NTRK1: variants seen among roughly 807,000 people sequenced by gnomAD.
NTRK1 encodes neurotrophic receptor tyrosine kinase 1, also known as high affinity nerve growth factor receptor.
Under a neutral mutation model 86.8 loss-of-function variants are expected in NTRK1, and 62 were observed. The observed-to-expected ratio is 0.71, with a 90% confidence interval of 0.58 to 0.88. The LOEUF is 0.88. Among genes scored for constraint, NTRK1 ranks in the 40% least tolerant of loss-of-function variants. The probability of loss-of-function intolerance (pLI) is 0.00; values close to 1 mark genes in which losing one functional copy is unlikely to be tolerated. For missense variants in NTRK1, 967 were observed against 1,078.4 expected (o/e 0.90, Z 1.45); for synonymous variants, 469 against 456.6 (o/e 1.03, Z -0.35).
chr1:156,866,532 G>A (rs376203550), intron 3 of NTRK1, among the ~76,000 whole-genome samples: 18 of 152,156 alleles, frequency 1.2e-4, no homozygotes, highest in African/African-American at 1.4e-4. Context: ...CTCTGGCCCC[G>A]TCCTGGGCTC....
chr1:156,817,060 T>TCTCTCTCTCTCTCTCTCTCTCC, intron 1 of NTRK1, among the ~76,000 whole-genome samples: 1 of 151,286 alleles, frequency 6.6e-6, no homozygotes, highest in Non-Finnish European at 1.5e-5. Context: ...TCTCTCTCTC[T>TCTCTCTCTCTCTCTCTCTCTCC]CTCTCTCTCT....
intron 3 of NTRK1, among the ~76,000 whole-genome samples, chr1:156,866,230 C>T (rs1384100425): frequency 1.3e-5 from 2 of 152,216 alleles, no homozygotes; most frequent in African/African-American, 4.8e-5. Flanking sequence ...TCAGGATAGG[C>T]CCCTCAGAGG....
intron 2 of NTRK1, chr1:156,845,071 C>G (rs371169960): frequency 1.2e-6 from 2 of 1,602,110 alleles, no homozygotes; most frequent in Non-Finnish European, 1.7e-6. Flanking sequence ...GTGTGGATCA[C>G]CTACTGTGGG....
At chr1:156,821,889 G>A (rs1654201397) in intron 1 of NTRK1, among the ~76,000 whole-genome samples, 1 of 152,166 alleles carries the variant, frequency 6.6e-6, no homozygotes, top group Admixed American at 6.5e-5. Flanking sequence ...TCATCCTCTG[G>A]ACCTTGATGT....
intron 1 of NTRK1, among the ~76,000 whole-genome samples, chr1:156,825,923 G>C (rs1438270880): frequency 6.6e-6 from 1 of 152,204 alleles, no homozygotes; most frequent in Non-Finnish European, 1.5e-5. Context: ...TTTACAGACA[G>C]GGAGTCTGAG....
chr1:156,837,526 G>A (rs900254417), intron 1 of NTRK1, among the ~76,000 whole-genome samples: 3 of 152,224 alleles, frequency 2.0e-5, no homozygotes, highest in Admixed American at 6.5e-5. Context: ...TGCCTCCTGT[G>A]CAAAGAAAGG....
chr1:156,872,679 CTTTT>C (rs1300739349), intron 7 of NTRK1, among the ~76,000 whole-genome samples: 1 of 140,938 alleles, frequency 7.1e-6, no homozygotes. Context: ...GGGTCTATTT[CTTTT>C]TTTTTTTTTT....
chr1:156,863,878 T>C (rs1421081796), intron 1 of NTRK1, among the ~76,000 whole-genome samples: 1 of 152,110 alleles, frequency 6.6e-6, no homozygotes, highest in Non-Finnish European at 1.5e-5. Context: ...GGATGCCTGA[T>C]ATAAAAGGAG....
rs56008523 is a variant in NTRK1, at chr1:156,880,040, C to T, written c.2088C>T (p.Pro696=). The T allele has an allele frequency of 8.5e-5, 137 of 1,613,422 alleles. 1 individual carries two copies. The highest frequency in any genetic ancestry group is 4.0e-4 in the East Asian group (18 of 44,866). ...RTMLPIRWMP[P]ESILYRKFTT... is the part of the protein sequence containing the mutation. ...TGCTGCCCATTCGCTGGATGCCGCC[C>T]GAGAGCATCCTGTACCGTAAGTTCA... Residue 696 remains proline (P), a synonymous_variant, in exon 16 of 17, where the codon CCC becomes CCT. Transcript: ENST00000524377.
chr1:156,868,571 G>A lies in NTRK1; in HGVS notation c.641G>A (p.Arg214Gln), dbSNP rs200132482. The A allele has an allele frequency of 1.7e-4, 260 of 1,554,406 alleles. No homozygotes were observed. The highest frequency in any genetic ancestry group is 6.7e-4 in the African/African-American group (49 of 73,330). Residue 214 changes from arginine to glutamine, a missense_variant, in exon 6 of 17, where the codon CGG (arginine) becomes CAG (glutamine). Physicochemically the swap from Arg to Gln is conservative, Grantham distance 43. Coordinates refer to ENST00000524377, the MANE Select transcript of NTRK1 (RefSeq NM_002529.4). ...GATGTGGGGGACGACGTGCTGCTGC[G>A]GTGCCAGGTGGAGGGGCGGGGCCTG... ...SVDVGDDVLL[R>Q]CQVEGRGLEQ... is the part of the protein sequence containing the mutation.
intron 1 of NTRK1, among the ~76,000 whole-genome samples, chr1:156,863,767 A>C (rs911445381): frequency 2.0e-5 from 3 of 152,150 alleles, no homozygotes; most frequent in Non-Finnish European, 2.9e-5. Context: ...GCATGAGCAC[A>C]GGCTTCGTCT....
At position 156,880,166 on chromosome 1, in the gene NTRK1, C is replaced by T. The variant is rs748710832; in HGVS notation, c.2205+9C>T. Reference sequence around the variant, plus strand: ...AGCTCTCCAACACGGAGGTCAGCCCCGGCCCATGGTCACCCCTTGCTGGCC... The same window carrying T: ...AGCTCTCCAACACGGAGGTCAGCCCTGGCCCATGGTCACCCCTTGCTGGCC... On this transcript the variant is annotated intron_variant, in intron 16 of 16. Transcript: ENST00000524377. 22 of 1,612,658 alleles carry T rather than the reference C, an allele frequency of 1.4e-5. No individual in the cohort carries two copies. In the East Asian group the frequency reaches 1.8e-4, roughly 13 times the overall value.
intron 5 of NTRK1, 36 bp downstream of exon 5, chr1:156,868,285 T>A: frequency 6.2e-7 from 1 of 1,600,936 alleles, no homozygotes; most frequent in South Asian, 1.1e-5. Flanking sequence ...GTAAGGGGGC[T>A]GGGGAAGAGA....
intron 2 of NTRK1, among the ~76,000 whole-genome samples, chr1:156,848,428 G>A (rs184257198): frequency 3.9e-5 from 6 of 152,178 alleles, no homozygotes; most frequent in Admixed American, 2.6e-4. Context: ...CTTTCCTGTG[G>A]TCTAACCACT....
At chr1:156,859,354 C>G (rs925145895), upstream of NTRK1, among the ~76,000 whole-genome samples, 2 of 152,174 alleles carry the variant, frequency 1.3e-5, no homozygotes, top group African/African-American at 4.8e-5. The surrounding 1 kb of genome is among the most constrained non-coding windows in gnomAD (Gnocchi z 6.2). Flanking sequence ...TCCCGCCAAC[C>G]CTTTGTCCCC....
chr1:156,876,368 A>G (rs1169201758), intron 13 of NTRK1, 32 bp from the exon 14 acceptor site: 1 of 1,613,238 alleles, frequency 6.2e-7, no homozygotes, highest in Middle Eastern at 1.7e-4. Flanking sequence ...CTCGGCCCCC[A>G]ACTCAGTCCT....
At chr1:156,831,663 A>C (rs147848012) in intron 1 of NTRK1, among the ~76,000 whole-genome samples, 11 of 152,298 alleles carry the variant, frequency 7.2e-5, no homozygotes, top group Middle Eastern at 3.4e-3. Context: ...GGTCTCAAGG[A>C]TGCCAAGAGA....
intron 7 of NTRK1, among the ~76,000 whole-genome samples, chr1:156,872,116 T>C (rs1277012281): frequency 6.6e-6 from 1 of 152,190 alleles, no homozygotes. Context: ...TCCTCCTGAG[T>C]TCCTCTTTAC....
intron 11 of NTRK1, 132 bp downstream of exon 11, chr1:156,875,140 T>C: frequency 2.7e-6 from 2 of 739,794 alleles, no homozygotes; most frequent in Non-Finnish European, 4.8e-6. Context: ...GTTTGGGGTA[T>C]AAATGAAGGC....
Sources: gnomAD v4.1 joint callset for allele counts (sites outside exome capture counted in the v4.1 genomes callset) on GRCh38, gnomAD v4.1.1 for gene constraint, Gnocchi (gnomAD v3.1) non-coding constraint, MANE v1.5 for transcripts, NCBI Gene and HGNC (gene_info 2026-07-23, HGNC 2026-07-21) for gene names.